The following SORL1 variants were observed in gnomAD, a reference collection of about 807,000 sequenced individuals.
SORL1 encodes sortilin-related receptor.
SORL1 carries 127 observed loss-of-function variants against 273.7 expected under a neutral mutation model. The ratio of observed to expected loss-of-function variants is 0.46; its 90% CI spans 0.40 to 0.54. The LOEUF (loss-of-function observed/expected upper bound fraction) is 0.54, where lower values mean the gene tolerates loss of function less well. SORL1 is among the 20% of genes least tolerant of loss of function. SORL1 has a pLI of 0.00. For synonymous variants in SORL1, 1,031 were observed against 1,067.4 expected, an observed-to-expected ratio of 0.97 and a Z score of 0.66; for missense variants, 2,494 against 2,846.1, an observed-to-expected ratio of 0.88 and a Z score of 2.81.
intron 26 of SORL1, 64 bp from the exon 27 acceptor site, chr11:121,586,158 C>CTG: frequency 7.5e-7 from 1 of 1,333,808 alleles, no homozygotes; most frequent in South Asian, 1.2e-5. Flanking sequence ...CCCGCCAGCA[C>CTG]TGTGTGTGAG....
At chr11:121,620,654 T>C (rs2134947439) in intron 43 of SORL1, among the ~76,000 whole-genome samples, 1 of 152,296 alleles carries the variant, frequency 6.6e-6, no homozygotes, top group African/African-American at 2.4e-5. Context: ...AGAAAGTAAG[T>C]AGAGCCTTGC....
Position 121,615,155 on chromosome 11 carries a change from C to G in SORL1, c.5604+100C>G, listed in dbSNP as rs1261239515. The G allele has an allele frequency of 7.2e-6, 7 of 971,326 alleles. No homozygotes were observed. The African/African-American group carries it at 1.2e-4, about 16-fold the overall frequency. 60.2% of individuals were successfully genotyped at this position (971,326 alleles called of 1,614,324 possible). The stretch of plus-strand genomic sequence containing the variant: ...GGCTTTTCTCTCTTTTGCAAATGTT[C>G]CGGTGCCCCTGCTGCTCTTGGATAT... On this transcript the variant is annotated intron_variant, in intron 41 of 47. Transcript: ENST00000260197.
chr11:121,483,120 G>A (rs551098181), intron 3 of SORL1, among the ~76,000 whole-genome samples: 128 of 152,250 alleles, frequency 8.4e-4, no homozygotes, highest in Non-Finnish European at 1.2e-3. Flanking sequence ...TAGAGACAGG[G>A]GTCTTGCTCT....
In SORL1 at chr11:121,578,243, A is replaced by G. The variant is rs144844302; in HGVS notation, c.3580+843A>G. On this transcript the variant is annotated intron_variant, in intron 25 of 47. Transcript: ENST00000260197. ...TAAAGATGTTTCCTTTAAACATTTC[A>G]TGGTAAGGACAGATCTGTTTTTACA... Among the ~76,000 whole-genome samples the G allele has an allele frequency of 7.7e-3, 1,173 of 152,304 alleles. 33 individuals carry two copies. The highest frequency in any genetic ancestry group is 0.063 in the Admixed American group (962 of 15,292).
chr11:121,624,714 AT>A (rs1186547407), intron 45 of SORL1, among the ~76,000 whole-genome samples: 1 of 152,006 alleles, frequency 6.6e-6, no homozygotes, highest in Non-Finnish European at 1.5e-5. Context: ...TATTAGTCAA[AT>A]TCCATTATGG....
intron 47 of SORL1, among the ~76,000 whole-genome samples, chr11:121,628,004 G>A (rs73020645): frequency 9.2e-4 from 140 of 152,156 alleles, no homozygotes; most frequent in Non-Finnish European, 1.7e-3. Context: ...CCTGAAACAG[G>A]GAGCTTGCCC....
At chr11:121,604,733 G>A (rs1392932500) in intron 33 of SORL1, among the ~76,000 whole-genome samples, 2 of 152,122 alleles carry the variant, frequency 1.3e-5, no homozygotes, top group Non-Finnish European at 2.9e-5. Flanking sequence ...GTCATAGGCA[G>A]GAGGAAGATG....
intron 32 of SORL1, among the ~76,000 whole-genome samples, chr11:121,597,094 A>G (rs560016589): frequency 1.3e-5 from 2 of 152,352 alleles, no homozygotes; most frequent in East Asian, 3.9e-4. Flanking sequence ...CGGGAACCCA[A>G]GCCTTTTCAG....
chr11:121,612,618 G>C lies in SORL1; in HGVS notation c.5323-118G>C, dbSNP rs537022400. The C allele has an allele frequency of 3.0e-5, 22 of 725,696 alleles. No individual in the cohort carries two copies. The East Asian group carries it at 5.8e-4, about 19-fold the overall frequency. The allele number at this position is 725,696 out of a possible 1,614,324, so 45.0% of individuals were successfully genotyped here. A position where few individuals can be genotyped will look rare whatever the true frequency, so the allele number is the denominator to read the frequency against. ...ATTTTTAAAAAACAACCTGTTCACTGTAAGAATGAGATACCCAAGGAAAGA... is the reference window on the plus strand; with the variant it reads ...ATTTTTAAAAAACAACCTGTTCACTCTAAGAATGAGATACCCAAGGAAAGA... On this transcript the variant is annotated intron_variant, in intron 39 of 47. Transcript: ENST00000260197.
intron 27 of SORL1, among the ~76,000 whole-genome samples, chr11:121,587,568 G>A (rs573493539): frequency 6.6e-6 from 1 of 152,266 alleles, no homozygotes; most frequent in Non-Finnish European, 1.5e-5. Flanking sequence ...TTGGGGATCA[G>A]GGCTTCAACA....
chr11:121,536,719 T>C (rs542710773), intron 12 of SORL1, among the ~76,000 whole-genome samples: 1 of 152,184 alleles, frequency 6.6e-6, no homozygotes, highest in South Asian at 2.1e-4. Context: ...TTATCACCTT[T>C]TAACTGTTAA....
At chr11:121,600,745 G>C (rs889752072) in intron 32 of SORL1, among the ~76,000 whole-genome samples, 2 of 152,184 alleles carry the variant, frequency 1.3e-5, no homozygotes, top group African/African-American at 4.8e-5. Flanking sequence ...GATTAGTGTG[G>C]TGCGATTCTT....
chr11:121,467,030 C>CTTTTTT (rs58596501), intron 1 of SORL1, among the ~76,000 whole-genome samples: 2 of 125,306 alleles, frequency 1.6e-5, no homozygotes, highest in Admixed American at 8.8e-5. Context: ...TTCTTTTTTT[C>CTTTTTT]TTTTTTTTTT....
intron 25 of SORL1, among the ~76,000 whole-genome samples, chr11:121,577,815 T>C (rs1862958634): frequency 6.6e-6 from 1 of 152,134 alleles, no homozygotes; most frequent in South Asian, 2.1e-4. Flanking sequence ...CCGTTTTGGG[T>C]AAGATTTTAT....
chr11:121,469,548 A>G (rs909752040), intron 1 of SORL1, among the ~76,000 whole-genome samples: 3 of 152,264 alleles, frequency 2.0e-5, no homozygotes, highest in Non-Finnish European at 2.9e-5. Flanking sequence ...AGTGAATGAC[A>G]GTACCACCAA....
chr11:121,614,626 C>T, intron 40 of SORL1: 1 of 418,044 alleles, frequency 2.4e-6, no homozygotes, highest in South Asian at 3.1e-5. Context: ...AGCGTTGTAC[C>T]AACTCCTATC....
chr11:121,589,977 G>A, intron 29 of SORL1, 63 bp from the exon 30 acceptor site: 1 of 1,582,878 alleles, frequency 6.3e-7, no homozygotes, highest in East Asian at 2.2e-5. Context: ...GATGCCTAGA[G>A]TTGGAGCCCT....
At chr11:121,488,229 C>T (rs1374488790) in intron 4 of SORL1, 36 bp downstream of exon 4, 4 of 1,605,320 alleles carry the variant, frequency 2.5e-6, no homozygotes, top group South Asian at 1.1e-5. Flanking sequence ...GCATGGGGCT[C>T]CTCTAGTTTT....
intron 36 of SORL1, 71 bp downstream of exon 36, chr11:121,607,028 C>A (rs148997459): frequency 8.1e-7 from 1 of 1,227,636 alleles, no homozygotes; most frequent in Non-Finnish European, 1.2e-6. Context: ...TTCTGTATGA[C>A]GAGGGGGTTG....
Sources: gnomAD v4.1 joint callset for allele counts (sites outside exome capture counted in the v4.1 genomes callset) on GRCh38, gnomAD v4.1.1 for gene constraint, MANE v1.5 for transcripts, NCBI Gene and HGNC (gene_info 2026-07-23, HGNC 2026-07-21) for gene names.